Variants in CATSPERE observed in about 807,000 individuals in gnomAD.
CATSPERE encodes cation channel sperm-associated auxiliary subunit epsilon.
CATSPERE carries 93 observed loss-of-function variants against 114.1 expected under a neutral mutation model. The observed-to-expected ratio is 0.81, with a 90% CI of 0.69 to 0.97. CATSPERE has a LOEUF of 0.97. Ranked by LOEUF, CATSPERE falls within the 50% of genes least tolerant of loss-of-function variation. The probability of loss-of-function intolerance (pLI) is 0.00; values close to 1 mark genes in which losing one functional copy is unlikely to be tolerated. For missense variants in CATSPERE, 1,058 were observed against 1,131.6 expected (o/e 0.93, Z 0.93); for synonymous variants, 341 against 384.1 (o/e 0.89, Z 1.31).
At chr1:244,488,562 C>T (rs1671442533) in intron 5 of CATSPERE, among the ~76,000 whole-genome samples, 1 of 152,224 alleles carries the variant, frequency 6.6e-6, no homozygotes. Context: ...CAGACTGTCA[C>T]TTTAATGTCA....
intron 10 of CATSPERE, among the ~76,000 whole-genome samples, chr1:244,562,119 T>A (rs1289804881): frequency 8.6e-6 from 1 of 116,244 alleles, no homozygotes; most frequent in African/African-American, 3.5e-5. Flanking sequence ...CTCACTGAAC[T>A]CCCCAGCCTG....
chr1:244,486,061 T>C (rs1400208296), intron 5 of CATSPERE, among the ~76,000 whole-genome samples: 1 of 152,146 alleles, frequency 6.6e-6, no homozygotes, highest in Non-Finnish European at 1.5e-5. Flanking sequence ...TCTGCATCAT[T>C]ACATCCAAAA....
At chr1:244,532,378 G>A (rs1474724514) in intron 8 of CATSPERE, among the ~76,000 whole-genome samples, 1 of 151,652 alleles carries the variant, frequency 6.6e-6, no homozygotes, top group Admixed American at 6.6e-5. Flanking sequence ...TGCTTTTCTA[G>A]TTTTTTAAGA....
intron 11 of CATSPERE, among the ~76,000 whole-genome samples, chr1:244,578,933 G>A (rs10803225): frequency 0.19 from 27,000 of 143,488 alleles, 3,649 homozygotes; most frequent in East Asian, 0.41. Context: ...TTTCCCTCTC[G>A]TTCAACATTT....
At chr1:244,576,574 A>G (rs1227888702) in intron 11 of CATSPERE, among the ~76,000 whole-genome samples, 1 of 151,892 alleles carries the variant, frequency 6.6e-6, no homozygotes, top group African/African-American at 2.4e-5. Flanking sequence ...AGAAATAAGC[A>G]TTCTGTTTCT....
At chr1:244,630,902 A>G (rs1258648457) in intron 20 of CATSPERE, among the ~76,000 whole-genome samples, 2 of 152,138 alleles carry the variant, frequency 1.3e-5, no homozygotes, top group African/African-American at 4.8e-5. Flanking sequence ...CATATCAACA[A>G]TTGAATATGA....
intron 2 of CATSPERE, among the ~76,000 whole-genome samples, chr1:244,472,374 A>G (rs550838567): frequency 1.3e-3 from 192 of 152,324 alleles, no homozygotes; most frequent in African/African-American, 4.5e-3. Flanking sequence ...CTTATCTAAT[A>G]TCAGAGTCAC....
At chr1:244,595,554 G>A (rs767634073) in intron 17 of CATSPERE, among the ~76,000 whole-genome samples, 1 of 152,200 alleles carries the variant, frequency 6.6e-6, no homozygotes, top group Non-Finnish European at 1.5e-5. Context: ...GAAGTCTCAG[G>A]AGAAGAGGCC....
intron 17 of CATSPERE, among the ~76,000 whole-genome samples, chr1:244,594,770 G>C (rs1044744177): frequency 3.9e-5 from 6 of 152,184 alleles, no homozygotes; most frequent in African/African-American, 1.2e-4. Context: ...TTTGCTACCA[G>C]AACTTTTCCC....
intron 20 of CATSPERE, among the ~76,000 whole-genome samples, chr1:244,630,735 A>T (rs952909630): frequency 6.6e-6 from 1 of 152,184 alleles, no homozygotes; most frequent in African/African-American, 2.4e-5. Context: ...TCTCAATGCC[A>T]TGGTGAAAGG....
At chr1:244,625,406 T>TTATATATATA (rs35736130) in intron 20 of CATSPERE, among the ~76,000 whole-genome samples, 9 of 12,868 alleles carry the variant, frequency 7.0e-4, no homozygotes, top group African/African-American at 2.7e-3. Flanking sequence ...TTATTATTAT[T>TTATATATATA]TATATATATA....
At chr1:244,625,358 GGTTTA>G (rs1425862173) in intron 20 of CATSPERE, among the ~76,000 whole-genome samples, 182 of 35,668 alleles carry the variant, frequency 5.1e-3, no homozygotes, top group African/African-American at 0.01. Context: ...TTTTTGGGGG[GGTTTA>G]TTTATTTATT....
chr1:244,482,128 A>G (rs1200373521), intron 5 of CATSPERE, among the ~76,000 whole-genome samples: 1 of 152,152 alleles, frequency 6.6e-6, no homozygotes, highest in Non-Finnish European at 1.5e-5. Flanking sequence ...TGTAATATAT[A>G]TTGTAAGAAT....
chr1:244,584,579 C>A (rs1666748653), intron 13 of CATSPERE, among the ~76,000 whole-genome samples: 1 of 145,606 alleles, frequency 6.9e-6, no homozygotes, highest in South Asian at 2.1e-4. Flanking sequence ...AACATAAATT[C>A]TTAACCCCGC....
chr1:244,568,104 C>G lies in CATSPERE; in HGVS notation c.1508-4226C>G, dbSNP rs1663872511. On this transcript the variant is annotated intron_variant, in intron 10 of 21. Transcript: ENST00000366534. This position sits in a 1 kb window ranked among gnomAD's most constrained non-coding sequence, Gnocchi z 4.4. ...TCCTTCTAACAGTCAGGCTCCTCTC[C>G]TGCAGGTCTGCTGGAGTTTGCTGGA... 6.6e-6 allele frequency among the ~76,000 whole-genome samples: 1 copy of G among 152,208 alleles called. No individual in the cohort carries two copies. Among genetic ancestry groups the G allele is most frequent in the Non-Finnish European group, 1.5e-5 (1 of 68,040 alleles).
At chr1:244,451,543 A>G (rs181189472), upstream of CATSPERE, 993 of 1,383,804 alleles carry the variant, frequency 7.2e-4, 6 homozygotes, top group African/African-American at 0.013. This position sits in a 1 kb window ranked among gnomAD's most constrained non-coding sequence, Gnocchi z 6.6. Flanking sequence ...TGGCCAGTGG[A>G]TCCGGGTTCT....
chr1:244,451,601 G>C, upstream of CATSPERE: 1 of 1,578,994 alleles, frequency 6.3e-7, no homozygotes, highest in Non-Finnish European at 8.6e-7. This position sits in a 1 kb window ranked among gnomAD's most constrained non-coding sequence, Gnocchi z 6.6. Context: ...GAGCTCCCGG[G>C]CCCGGCTTCC....
At chr1:244,517,616 A>T (rs1676850932) in intron 7 of CATSPERE, among the ~76,000 whole-genome samples, 1 of 151,712 alleles carries the variant, frequency 6.6e-6, no homozygotes, top group East Asian at 1.9e-4. Context: ...TACCAAATAT[A>T]AAAAAAATTA....
Position 244,566,271 on chromosome 1 carries a change from G to T in CATSPERE, c.1507+5126G>T, listed in dbSNP as rs553588587. On this transcript the variant is annotated intron_variant, in intron 10 of 21. Transcript: ENST00000366534. ...ATGTGGTCGATTTTAAAATAAGTTTGATGTGGTGCTGAGAAGAACGTATAT... is the reference window on the plus strand; with the variant it reads ...ATGTGGTCGATTTTAAAATAAGTTTTATGTGGTGCTGAGAAGAACGTATAT... Among the ~76,000 whole-genome samples the T allele has an allele frequency of 1.2e-3, 181 of 152,236 alleles. 1 individual carries two copies. Among genetic ancestry groups the T allele is most frequent in the African/African-American group, 4.2e-3 (173 of 41,534 alleles).
Sources: allele counts gnomAD v4.1 joint callset (sites outside exome capture counted in the v4.1 genomes callset), GRCh38; gene constraint gnomAD v4.1.1; non-coding constraint Gnocchi (gnomAD v3.1); transcripts MANE v1.5; gene names NCBI Gene and HGNC (gene_info 2026-07-23, HGNC 2026-07-21).